The following CSNK1G3 variants were observed in gnomAD, a reference collection of about 807,000 sequenced individuals.
The protein encoded by CSNK1G3 is casein kinase 1 gamma 3.
Under a neutral mutation model 64.3 loss-of-function variants are expected in CSNK1G3, and 23 were observed. The observed-to-expected ratio is 0.36, with a 90% CI of 0.26 to 0.51. CSNK1G3 has a LOEUF of 0.51. CSNK1G3 is among the 20% of genes least tolerant of loss of function. CSNK1G3 has a pLI of 0.96. For synonymous variants in CSNK1G3, 158 were observed against 162.2 expected, an observed-to-expected ratio of 0.97 and a Z score of 0.20; for missense variants, 357 against 510.5, an observed-to-expected ratio of 0.70 and a Z score of 2.90.
At chr5:123,611,359 C>T (rs1383659832) in intron 12 of CSNK1G3, among the ~76,000 whole-genome samples, 1 of 152,030 alleles carries the variant, frequency 6.6e-6, no homozygotes, top group Non-Finnish European at 1.5e-5. Context: ...TAAGGACGTT[C>T]TTTATTTAGT....
At chr5:123,605,234 A>G (rs990860254) in intron 11 of CSNK1G3, 105 bp from the exon 13 acceptor site, 16 of 1,029,670 alleles carry the variant, frequency 1.6e-5, no homozygotes, top group Non-Finnish European at 2.3e-5. Flanking sequence ...ATTGCTTGGA[A>G]AAAATTAAGC....
At chr5:123,564,570 A>G (rs1786457069) in intron 4 of CSNK1G3, among the ~76,000 whole-genome samples, 1 of 152,060 alleles carries the variant, frequency 6.6e-6, no homozygotes, top group Non-Finnish European at 1.5e-5. Flanking sequence ...TTTTCCTTAA[A>G]TTTTATAGGC....
At chr5:123,590,461 A>C in exon 9 of CSNK1G3, 2 of 1,524,562 alleles carry the variant, frequency 1.3e-6, no homozygotes, top group Non-Finnish European at 1.8e-6. Context: ...TTTTTTGAAA[A>C]ACCAGACTAT....
chr5:123,615,043 G>C (rs1458562979), exon 13 of CSNK1G3: 1 of 152,546 alleles, frequency 6.6e-6, no homozygotes, highest in African/African-American at 2.4e-5. Flanking sequence ...TGAATCTTAA[G>C]GAGTGTGGTA....
chr5:123,557,133 A>G (rs775921945), intron 3 of CSNK1G3, among the ~76,000 whole-genome samples: 17 of 152,142 alleles, frequency 1.1e-4, no homozygotes, highest in Non-Finnish European at 2.5e-4. Context: ...TTTAATCTAG[A>G]ACCTTTATGT....
chr5:123,532,539 ACCTG>A (rs1780106434), intron 1 of CSNK1G3, among the ~76,000 whole-genome samples: 2 of 151,732 alleles, frequency 1.3e-5, no homozygotes, highest in Admixed American at 1.3e-4. Flanking sequence ...TTGATATCAA[ACCTG>A]TTGAAAACTG....
chr5:123,606,623 T>C (rs1308215697), intron 12 of CSNK1G3, among the ~76,000 whole-genome samples: 1 of 152,184 alleles, frequency 6.6e-6, no homozygotes, highest in African/African-American at 2.4e-5. Flanking sequence ...CCCCTATTTA[T>C]TTCTTCTCTT....
At chr5:123,515,981 G>T (rs1368664189) in intron 1 of CSNK1G3, among the ~76,000 whole-genome samples, 5 of 152,182 alleles carry the variant, frequency 3.3e-5, no homozygotes, top group African/African-American at 1.2e-4. Context: ...AAGTAGCAGA[G>T]TGCATATTTG....
At chr5:123,538,919 T>G (rs532344513) in intron 1 of CSNK1G3, among the ~76,000 whole-genome samples, 1 of 152,268 alleles carries the variant, frequency 6.6e-6, no homozygotes, top group African/African-American at 2.4e-5. Flanking sequence ...TCTAAGAAAT[T>G]TTTACTTACC....
At chr5:123,609,004 A>G (rs1356260116) in intron 12 of CSNK1G3, among the ~76,000 whole-genome samples, 1 of 152,174 alleles carries the variant, frequency 6.6e-6, no homozygotes, top group Admixed American at 6.6e-5. Context: ...CTCAAAGATG[A>G]GAATGATTTG....
chr5:123,542,386 G>A (rs1677593335), intron 1 of CSNK1G3, among the ~76,000 whole-genome samples: 1 of 152,040 alleles, frequency 6.6e-6, no homozygotes, highest in Non-Finnish European at 1.5e-5. Context: ...TGCTTTAATA[G>A]TAATTTATCT....
chr5:123,576,687 G>A (rs1258693692), intron 6 of CSNK1G3, among the ~76,000 whole-genome samples: 2 of 152,068 alleles, frequency 1.3e-5, no homozygotes, highest in Non-Finnish European at 2.9e-5. Flanking sequence ...TTTTTGACTA[G>A]ATTTGGGTAG....
chr5:123,521,348 A>G (rs1000778505), intron 1 of CSNK1G3, among the ~76,000 whole-genome samples: 3 of 152,144 alleles, frequency 2.0e-5, no homozygotes, highest in Non-Finnish European at 4.4e-5. Flanking sequence ...TACGAGTATC[A>G]GGATATATTG....
At chr5:123,578,133 G>T (rs914274014) in intron 6 of CSNK1G3, among the ~76,000 whole-genome samples, 1 of 151,818 alleles carries the variant, frequency 6.6e-6, no homozygotes, top group Non-Finnish European at 1.5e-5. Flanking sequence ...TTAAGTTTTT[G>T]ACTTATGAAT....
intron 5 of CSNK1G3, among the ~76,000 whole-genome samples, chr5:123,574,225 G>C (rs1788713278): frequency 6.6e-6 from 1 of 152,160 alleles, no homozygotes; most frequent in African/African-American, 2.4e-5. Context: ...AGAGAGTCTT[G>C]ATAAACTACT....
intron 6 of CSNK1G3, among the ~76,000 whole-genome samples, chr5:123,586,006 A>G (rs1219915769): frequency 6.6e-6 from 1 of 152,252 alleles, no homozygotes; most frequent in African/African-American, 2.4e-5. Flanking sequence ...TGTTCATAAC[A>G]GCTTTATTCA....
intron 1 of CSNK1G3, among the ~76,000 whole-genome samples, chr5:123,521,526 C>T (rs1778105989): frequency 6.6e-6 from 1 of 152,114 alleles, no homozygotes; most frequent in Non-Finnish European, 1.5e-5. Context: ...GTATGCTTTG[C>T]TGTTTACCTT....
chr5:123,540,223 A>G (rs1258866059), intron 1 of CSNK1G3, among the ~76,000 whole-genome samples: 3 of 151,986 alleles, frequency 2.0e-5, no homozygotes, highest in South Asian at 2.1e-4. Context: ...CATTTCAGAT[A>G]TGACAGTTTT....
At chr5:123,553,665 A>C (rs1026937946) in intron 3 of CSNK1G3, among the ~76,000 whole-genome samples, 1 of 152,158 alleles carries the variant, frequency 6.6e-6, no homozygotes, top group Non-Finnish European at 1.5e-5. Context: ...GGGAAAGCAA[A>C]CTCCCGTGGA....
Sources: gnomAD v4.1 joint callset for allele counts (sites outside exome capture counted in the v4.1 genomes callset) on GRCh38, gnomAD v4.1.1 for gene constraint, MANE v1.5 for transcripts, NCBI Gene and HGNC (gene_info 2026-07-23, HGNC 2026-07-21) for gene names.